TRHDE: variants seen among roughly 807,000 people sequenced by gnomAD.
TRHDE encodes the protein thyrotropin-releasing hormone-degrading ectoenzyme.
TRHDE carries 72 observed loss-of-function variants against 125.7 expected under a neutral mutation model. That is an observed-to-expected ratio of 0.57 (90% CI 0.47 to 0.70). TRHDE has a LOEUF of 0.70. Among genes scored for constraint, TRHDE ranks in the 30% least tolerant of loss-of-function variants. TRHDE has a pLI of 0.00. For synonymous variants in TRHDE, 509 were observed against 509.1 expected, an observed-to-expected ratio of 1.00 and a Z score of 0.00; for missense variants, 1,110 against 1,327.1, an observed-to-expected ratio of 0.84 and a Z score of 2.54.
intron 15 of TRHDE, among the ~76,000 whole-genome samples, chr12:72,634,522 T>C (rs1873638186): frequency 6.6e-6 from 1 of 152,050 alleles, no homozygotes; most frequent in Non-Finnish European, 1.5e-5. Flanking sequence ...TTATTATACT[T>C]TAAGTTTTAG....
At chr12:72,414,089 T>C (rs909703554) in intron 3 of TRHDE, among the ~76,000 whole-genome samples, 1 of 152,094 alleles carries the variant, frequency 6.6e-6, no homozygotes, top group Non-Finnish European at 1.5e-5. Context: ...TGAGGACTAT[T>C]ACTATTTGTG....
intron 2 of TRHDE, among the ~76,000 whole-genome samples, chr12:72,370,416 T>A (rs975638807): frequency 1.4e-4 from 22 of 152,202 alleles, no homozygotes; most frequent in African/African-American, 5.1e-4. Context: ...TGCTAAAACC[T>A]AATTCTGATC....
At chr12:72,639,358 G>A (rs1211948858) in intron 15 of TRHDE, among the ~76,000 whole-genome samples, 1 of 150,726 alleles carries the variant, frequency 6.6e-6, no homozygotes, top group Non-Finnish European at 1.5e-5. Flanking sequence ...AGCTCCATCA[G>A]CTCCTTTAAG....
intron 2 of TRHDE, among the ~76,000 whole-genome samples, chr12:72,119,337 T>C (rs900572899): frequency 1.3e-5 from 2 of 152,172 alleles, no homozygotes; most frequent in Non-Finnish European, 2.9e-5. Flanking sequence ...CATGTGTTTG[T>C]ATTATTTCCA....
chr12:72,444,338 A>C (rs987509279), intron 3 of TRHDE, among the ~76,000 whole-genome samples: 3 of 151,876 alleles, frequency 2.0e-5, no homozygotes, highest in Non-Finnish European at 4.4e-5. Context: ...TTCATTTGCT[A>C]ATCTGTGTCC....
intron 12 of TRHDE, among the ~76,000 whole-genome samples, chr12:72,605,666 C>T (rs900355483): frequency 6.6e-6 from 1 of 152,024 alleles, no homozygotes; most frequent in Non-Finnish European, 1.5e-5. Context: ...TTCTGAGAGG[C>T]AGGAAAAGAT....
At chr12:72,263,866 G>A (rs957446762) in intron 2 of TRHDE, 1 of 152,002 alleles carries the variant, frequency 6.6e-6, no homozygotes, top group African/African-American at 2.4e-5. Context: ...GGTCAAATCT[G>A]AGGTCTTATT....
chr12:72,468,203 G>T (rs571245904), intron 3 of TRHDE, among the ~76,000 whole-genome samples: 1 of 152,152 alleles, frequency 6.6e-6, no homozygotes, highest in Non-Finnish European at 1.5e-5. Flanking sequence ...ACAACACATG[G>T]TGTTATTCTA....
chr12:72,313,275 G>A (rs1366221496), intron 2 of TRHDE, among the ~76,000 whole-genome samples: 2 of 151,652 alleles, frequency 1.3e-5, no homozygotes, highest in African/African-American at 2.4e-5. Context: ...ATTCATACAA[G>A]TTTTTTTATA....
chr12:72,558,604 G>A (rs1870031218), intron 7 of TRHDE, among the ~76,000 whole-genome samples: 1 of 152,192 alleles, frequency 6.6e-6, no homozygotes, highest in African/African-American at 2.4e-5. Context: ...CTTTGTGGGA[G>A]AGACTAGATG....
At chr12:72,311,308 A>G (rs1244019731) in intron 2 of TRHDE, among the ~76,000 whole-genome samples, 3 of 152,100 alleles carry the variant, frequency 2.0e-5, no homozygotes, top group Non-Finnish European at 4.4e-5. Flanking sequence ...CTTCATTACT[A>G]ATGACACCCA....
At chr12:72,398,616 G>A (rs1872907297) in intron 3 of TRHDE, among the ~76,000 whole-genome samples, 1 of 152,102 alleles carries the variant, frequency 6.6e-6, no homozygotes, top group Admixed American at 6.5e-5. Flanking sequence ...TCAGTGTTTT[G>A]TTTCAAATTA....
chr12:72,605,434 G>GT (rs1196970502), intron 12 of TRHDE, among the ~76,000 whole-genome samples: 1 of 151,860 alleles, frequency 6.6e-6, no homozygotes, highest in African/African-American at 2.4e-5. Context: ...CCCTTATGAG[G>GT]GAGAGCAAAG....
chr12:72,576,400 T>C (rs1054773543), intron 12 of TRHDE, among the ~76,000 whole-genome samples: 1 of 152,084 alleles, frequency 6.6e-6, no homozygotes, highest in Non-Finnish European at 1.5e-5. Flanking sequence ...TCATGGGACC[T>C]GAAACTGCTT....
chr12:72,187,079 A>G (rs1217756579), intron 2 of TRHDE, among the ~76,000 whole-genome samples: 1 of 152,182 alleles, frequency 6.6e-6, no homozygotes, highest in East Asian at 1.9e-4. Flanking sequence ...GCCTAGAAAC[A>G]GAATTTTGAC....
intron 12 of TRHDE, among the ~76,000 whole-genome samples, chr12:72,607,422 G>A (rs932774641): frequency 2.0e-5 from 3 of 152,026 alleles, no homozygotes; most frequent in Non-Finnish European, 2.9e-5. Context: ...GCAAAATGCT[G>A]TTTCCTTCAT....
chr12:72,593,943 T>C (rs372785476), intron 12 of TRHDE, among the ~76,000 whole-genome samples: 22 of 152,268 alleles, frequency 1.4e-4, no homozygotes, highest in Middle Eastern at 6.8e-3. Flanking sequence ...GGTTCCAAGT[T>C]TTTGCTATTG....
At chr12:72,122,559 T>C (rs1875610074) in intron 2 of TRHDE, among the ~76,000 whole-genome samples, 2 of 152,176 alleles carry the variant, frequency 1.3e-5, no homozygotes, top group South Asian at 4.1e-4. Flanking sequence ...AGAGAGTTTT[T>C]TTTCAAATAA....
At chr12:72,090,673 T>C (rs1319913924) in intron 1 of TRHDE, among the ~76,000 whole-genome samples, 2 of 152,190 alleles carry the variant, frequency 1.3e-5, no homozygotes, top group Admixed American at 1.3e-4. Context: ...TATAGGTAGA[T>C]ATTTTTAAGT....
Sources: allele counts gnomAD v4.1 joint callset (sites outside exome capture counted in the v4.1 genomes callset), GRCh38; gene constraint gnomAD v4.1.1; transcripts MANE v1.5; gene names NCBI Gene and HGNC (gene_info 2026-07-23, HGNC 2026-07-21).